Variants in PDE7B observed in about 807,000 individuals in gnomAD.
PDE7B encodes phosphodiesterase 7B, also known as 3',5'-cyclic-AMP phosphodiesterase 7B.
Under a neutral mutation model 56.2 loss-of-function variants are expected in PDE7B, and 29 were observed. The ratio of observed to expected loss-of-function variants is 0.52; its 90% confidence interval spans 0.38 to 0.70. The LOEUF (loss-of-function observed/expected upper bound fraction) is 0.70, where lower values mean the gene tolerates loss of function less well. Ranked by LOEUF, PDE7B falls within the 30% of genes least tolerant of loss-of-function variation. The probability of loss-of-function intolerance (pLI) is 0.00; values close to 1 mark genes in which losing one functional copy is unlikely to be tolerated. For missense variants in PDE7B, 490 were observed against 565.0 expected (o/e 0.87, Z 1.35); for synonymous variants, 197 against 196.9 (o/e 1.00, Z 0.00).
At chr6:135,873,285 C>T (rs908999032) in intron 1 of PDE7B, among the ~76,000 whole-genome samples, 1 of 152,138 alleles carries the variant, frequency 6.6e-6, no homozygotes, top group African/African-American at 2.4e-5. Context: ...ACATGACAGA[C>T]ACAAATATCT....
At chr6:136,046,570 T>G (rs1186276984) in intron 2 of PDE7B, among the ~76,000 whole-genome samples, 2 of 152,208 alleles carry the variant, frequency 1.3e-5, no homozygotes, top group African/African-American at 2.4e-5. Context: ...GGTGCCAACC[T>G]CAGAGGGAGA....
At chr6:136,185,767 AC>A (rs1779135807) in intron 11 of PDE7B, among the ~76,000 whole-genome samples, 1 of 152,260 alleles carries the variant, frequency 6.6e-6, no homozygotes, top group African/African-American at 2.4e-5. Flanking sequence ...CCTGCCTCTT[AC>A]AAAAAACAAT....
intron 8 of PDE7B, among the ~76,000 whole-genome samples, chr6:136,158,454 C>A (rs530213880): frequency 6.6e-6 from 1 of 152,112 alleles, no homozygotes; most frequent in Non-Finnish European, 1.5e-5. Flanking sequence ...TGGGGAACAC[C>A]CTGTGCGTGA....
intron 4 of PDE7B, among the ~76,000 whole-genome samples, chr6:136,148,567 T>A (rs192101141): frequency 2.8e-3 from 425 of 152,004 alleles, no homozygotes; most frequent in Middle Eastern, 0.014. Flanking sequence ...ATATTAGGCC[T>A]CCAAAAGGAT....
At chr6:136,015,585 A>G (rs1308369382) in intron 2 of PDE7B, among the ~76,000 whole-genome samples, 2 of 152,206 alleles carry the variant, frequency 1.3e-5, no homozygotes, top group Non-Finnish European at 2.9e-5. Context: ...TGACCACACA[A>G]TACATGAAGT....
chr6:135,954,161 G>A (rs1774749378), intron 2 of PDE7B, among the ~76,000 whole-genome samples: 1 of 152,150 alleles, frequency 6.6e-6, no homozygotes, highest in Non-Finnish European at 1.5e-5. Context: ...GTCCATCGCT[G>A]TTCCCCAGCC....
intron 3 of PDE7B, among the ~76,000 whole-genome samples, chr6:136,131,961 A>C (rs73565083): frequency 0.045 from 6,910 of 152,196 alleles, 518 homozygotes; most frequent in African/African-American, 0.16. Flanking sequence ...AAACACTCGT[A>C]TTTATGAATT....
chr6:135,969,782 C>T (rs761275977), intron 2 of PDE7B, among the ~76,000 whole-genome samples: 3 of 152,066 alleles, frequency 2.0e-5, no homozygotes, highest in Non-Finnish European at 2.9e-5. Flanking sequence ...AGCTTCTGCA[C>T]AGCAAAAGAA....
At chr6:136,149,479 T>C (rs557714291) in intron 5 of PDE7B, among the ~76,000 whole-genome samples, 79 of 152,318 alleles carry the variant, frequency 5.2e-4, no homozygotes, top group Middle Eastern at 6.8e-3. Context: ...TGATGAAAAC[T>C]AGAAACAAAA....
chr6:135,948,602 G>A (rs1344173884), intron 2 of PDE7B, among the ~76,000 whole-genome samples: 1 of 151,788 alleles, frequency 6.6e-6, no homozygotes, highest in Non-Finnish European at 1.5e-5. Context: ...TATTTTTCTA[G>A]CCTTCTAATC....
At chr6:136,044,420 T>A (rs889820539) in intron 2 of PDE7B, 1 of 152,208 alleles carries the variant, frequency 6.6e-6, no homozygotes, top group Non-Finnish European at 1.5e-5. Flanking sequence ...ATCAGATGCA[T>A]GAATGAACAT....
intron 1 of PDE7B, among the ~76,000 whole-genome samples, chr6:135,872,052 C>T (rs1197196387): frequency 1.3e-5 from 2 of 152,148 alleles, no homozygotes; most frequent in Admixed American, 6.6e-5. Flanking sequence ...GATTAGGTCA[C>T]CTAGTTTCTC....
At chr6:135,940,622 G>T (rs1038163415) in intron 1 of PDE7B, among the ~76,000 whole-genome samples, 1 of 152,180 alleles carries the variant, frequency 6.6e-6, no homozygotes, top group Admixed American at 6.5e-5. Context: ...ATCTTCTAGG[G>T]ATCTGTCTTT....
intron 2 of PDE7B, among the ~76,000 whole-genome samples, chr6:136,010,228 A>AT (rs999513263): frequency 2.4e-4 from 36 of 151,912 alleles, no homozygotes; most frequent in East Asian, 7.7e-4. Context: ...GTTTTGAGCA[A>AT]TTTTTTTTAT....
Position 135,851,906 on chromosome 6 carries a change from T to A in PDE7B, c.-93T>A, listed in dbSNP as rs1233361439. ...TTATATTCCTAATCCTGGATGAAGT[T>A]GCTGGATTCTGCAGCACAAGTCTTC... On this transcript the variant is annotated 5_prime_UTR_variant, in exon 1 of 13. It introduces an in-frame stop codon into an upstream open reading frame of the 5' UTR. Transcript: ENST00000308191. 1 of 809,750 alleles carries A rather than the reference T, an allele frequency of 1.2e-6. No homozygotes were observed. Among genetic ancestry groups the A allele is most frequent in the Non-Finnish European group, 2.1e-6 (1 of 467,286 alleles). The allele number at this position is 809,750 out of a possible 1,614,324, so 50.2% of individuals were successfully genotyped here. A position where few individuals can be genotyped will look rare whatever the true frequency, so the allele number is the denominator to read the frequency against.
intron 2 of PDE7B, among the ~76,000 whole-genome samples, chr6:136,047,851 A>C (rs1173519165): frequency 6.6e-6 from 1 of 152,220 alleles, no homozygotes; most frequent in Non-Finnish European, 1.5e-5. Flanking sequence ...ATTATGACCT[A>C]TTAGAAGAGA....
intron 1 of PDE7B, among the ~76,000 whole-genome samples, chr6:135,897,756 G>A (rs1775928121): frequency 6.6e-6 from 1 of 152,170 alleles, no homozygotes; most frequent in Non-Finnish European, 1.5e-5. Context: ...AAAGTCAGAA[G>A]CCATTCAGTA....
intron 3 of PDE7B, among the ~76,000 whole-genome samples, chr6:136,134,639 C>T (rs1301958041): frequency 4.2e-5 from 6 of 143,716 alleles, no homozygotes; most frequent in South Asian, 4.2e-4. Flanking sequence ...CCTTTTTTCC[C>T]CTCCTTACAA....
intron 1 of PDE7B, among the ~76,000 whole-genome samples, chr6:135,903,438 A>G (rs1380842873): frequency 6.6e-6 from 1 of 152,180 alleles, no homozygotes; most frequent in African/African-American, 2.4e-5. Context: ...TGTGCAAGTG[A>G]AATACTCAGT....
Sources: allele counts gnomAD v4.1 joint callset (sites outside exome capture counted in the v4.1 genomes callset), GRCh38; gene constraint gnomAD v4.1.1; transcripts MANE v1.5; gene names NCBI Gene and HGNC (gene_info 2026-07-23, HGNC 2026-07-21).